Variants in FAM163A observed in about 807,000 individuals in gnomAD.
The protein encoded by FAM163A is protein FAM163A.
A neutral mutation model predicts 12.0 loss-of-function variants in FAM163A; 7 were observed. The observed-to-expected ratio is 0.58, with a 90% CI of 0.33 to 1.10. FAM163A has a LOEUF of 1.10. Among genes scored for constraint, FAM163A ranks in the 50% least tolerant of loss-of-function variants. The probability of loss-of-function intolerance (pLI) is 0.03; values close to 1 mark genes in which losing one functional copy is unlikely to be tolerated. For synonymous variants in FAM163A, 101 were observed against 91.0 expected (o/e 1.11, Z -0.62); for missense variants, 202 against 218.6 (o/e 0.92, Z 0.48).
In FAM163A at chr1:179,803,118, A is replaced by C. The variant is rs140975841; in HGVS notation, c.-135-4680A>C. Among the ~76,000 whole-genome samples, 416 of 152,308 alleles carry C rather than the reference A, an allele frequency of 2.7e-3. 1 individual carries two copies. Among genetic ancestry groups the C allele is most frequent in the Non-Finnish European group, 4.6e-3 (310 of 68,026 alleles). On this transcript the variant is annotated intron_variant, in intron 1 of 4. Coordinates refer to ENST00000341785, the MANE Select transcript of FAM163A (RefSeq NM_173509.3). ...CATTTCCTTCTTCCAGCCTTGCCTG[A>C]GGATTGCCGTCCAGGAAGACAGGTA...
In FAM163A at chr1:179,812,999, G is replaced by C. The variant is rs1305592023; in HGVS notation, c.-22-77G>C. ...GGCCCCCTGCCCCAGCCTCGGGGCA[G>C]TTCCAGGAAGACTCCCCCCGGCCCA... On this transcript the variant is annotated intron_variant, in intron 3 of 4. Coordinates refer to ENST00000341785, the MANE Select transcript of FAM163A (RefSeq NM_173509.3). 7.2e-6 allele frequency: 10 copies of C among 1,398,400 alleles called. No individual in the cohort carries two copies. The Admixed American group carries it at 8.0e-5, about 11-fold the overall frequency. The allele number at this position is 1,398,400 out of a possible 1,614,324, so 86.6% of individuals were successfully genotyped here.
rs1273970601 is a variant in FAM163A, at chr1:179,815,109, G to GCGCGCACACA, written c.*921_*922insGCGCACACAC. On this transcript the variant is annotated 3_prime_UTR_variant, in exon 5 of 5. Coordinates refer to ENST00000341785, the MANE Select transcript of FAM163A (RefSeq NM_173509.3). ...CAGGTGTACGCACGCGCGCGCGCGC[G>GCGCGCACACA]CACAGACACACACACACACACACAC... 73 of 67,308 alleles carry GCGCGCACACA rather than the reference G, an allele frequency of 1.1e-3. 2 individuals carry two copies. Among genetic ancestry groups the GCGCGCACACA allele is most frequent in the African/African-American group, 4.6e-3 (73 of 15,854 alleles). 4.2% of individuals were successfully genotyped at this position (67,308 alleles called of 1,614,324 possible).
At chr1:179,812,738 C>A (rs575736421) in intron 3 of FAM163A, among the ~76,000 whole-genome samples, 1 of 152,308 alleles carries the variant, frequency 6.6e-6, no homozygotes, top group African/African-American at 2.4e-5. Context: ...CAGGGAGGAG[C>A]CCCGCAATCA....
intron 1 of FAM163A, among the ~76,000 whole-genome samples, chr1:179,755,359 C>T (rs1432413779): frequency 6.6e-6 from 1 of 151,880 alleles, no homozygotes; most frequent in East Asian, 1.9e-4. Context: ...CAAGGTGGGG[C>T]CATGGTAGTG....
chr1:179,728,134 T>C, the FAM163A span, among the ~76,000 whole-genome samples: 1 of 152,270 alleles, frequency 6.6e-6, no homozygotes, highest in South Asian at 2.1e-4. Flanking sequence ...GCCTGTCACA[T>C]AGTAAGCACA....
chr1:179,797,924 A>G (rs6692139), intron 1 of FAM163A, among the ~76,000 whole-genome samples: 4,434 of 152,204 alleles, frequency 0.029, 219 homozygotes, highest in African/African-American at 0.1. Flanking sequence ...ATGTGTGTGT[A>G]TAACTATTAA....
the FAM163A span, among the ~76,000 whole-genome samples, chr1:179,734,694 A>AT: frequency 6.6e-6 from 1 of 152,150 alleles, no homozygotes; most frequent in Non-Finnish European, 1.5e-5. Flanking sequence ...TCCAAATACC[A>AT]TCACCTTGGG....
At chr1:179,772,744 G>C (rs1368355451) in intron 1 of FAM163A, among the ~76,000 whole-genome samples, 1 of 151,964 alleles carries the variant, frequency 6.6e-6, no homozygotes, top group Non-Finnish European at 1.5e-5. Flanking sequence ...ACAGTGCAGG[G>C]CTGATCTAAC....
At chr1:179,755,138 A>G (rs112498028) in intron 1 of FAM163A, among the ~76,000 whole-genome samples, 1 of 146,216 alleles carries the variant, frequency 6.8e-6, no homozygotes, top group Non-Finnish European at 1.5e-5. Flanking sequence ...CTCTGCCTCA[A>G]AAAAAAAAAA....
chr1:179,814,158 C>G lies in FAM163A; in HGVS notation c.473C>G (p.Thr158Ser). The stretch of plus-strand genomic sequence containing the variant: ...CCAGGCTCTGGGCGTGAGGCCTTCA[C>G]CAATCCAAGGGCTATTAGTACAGAC... ...TWPGSGREAF[T>S]NPRAISTDV The change falls in exon 5 of 5, where the codon ACC (threonine) becomes AGC (serine). Residue 158 changes from threonine (T) to serine (S), a missense_variant. Physicochemically the swap from Thr to Ser is moderately conservative, Grantham distance 58. Coordinates refer to ENST00000341785, the MANE Select transcript of FAM163A (RefSeq NM_173509.3). 6.2e-7 allele frequency: 1 copy of G among 1,614,158 alleles called. No individual in the cohort carries two copies. The highest frequency in any genetic ancestry group is 8.5e-7 in the Non-Finnish European group (1 of 1,180,018).
intron 1 of FAM163A, among the ~76,000 whole-genome samples, chr1:179,761,180 G>A (rs75726343): frequency 1.1e-3 from 166 of 152,366 alleles, no homozygotes; most frequent in African/African-American, 3.8e-3. Context: ...TGTGCATTTT[G>A]TGTGTATGAG....
At chr1:179,747,085 A>C (rs1353254944) in intron 1 of FAM163A, among the ~76,000 whole-genome samples, 1 of 152,162 alleles carries the variant, frequency 6.6e-6, no homozygotes, top group African/African-American at 2.4e-5. Flanking sequence ...GTGACTGGAC[A>C]TCAGAAAGGG....
chr1:179,750,544 T>C (rs1423263474), intron 1 of FAM163A, among the ~76,000 whole-genome samples: 3 of 152,096 alleles, frequency 2.0e-5, no homozygotes, highest in Non-Finnish European at 4.4e-5. Flanking sequence ...CTAGAAAGAA[T>C]ATGGCATTTT....
At chr1:179,811,129 G>C (rs190844751) in intron 2 of FAM163A, among the ~76,000 whole-genome samples, 1 of 152,104 alleles carries the variant, frequency 6.6e-6, no homozygotes, top group African/African-American at 2.4e-5. Flanking sequence ...GATAAATAGG[G>C]TAAGTGTGCA....
upstream of FAM163A, among the ~76,000 whole-genome samples, chr1:179,741,449 T>C (rs80139748): frequency 0.011 from 1,623 of 152,286 alleles, 25 homozygotes; most frequent in African/African-American, 0.038. Context: ...ATCCTAAAGA[T>C]TGCACTTGCA....
chr1:179,809,210 A>AT (rs1475303598), intron 2 of FAM163A, among the ~76,000 whole-genome samples: 2 of 151,994 alleles, frequency 1.3e-5, no homozygotes, highest in Admixed American at 1.3e-4. Flanking sequence ...CTGGCTTATG[A>AT]TTTTAAGGCC....
At position 179,813,418 on chromosome 1, in the gene FAM163A, G is replaced by A. The variant is rs140951734; in HGVS notation, c.93+228G>A. Among the ~76,000 whole-genome samples the A allele has an allele frequency of 4.1e-3, 618 of 152,304 alleles. 2 individuals are homozygous for A. The highest frequency in any genetic ancestry group is 0.017 in the Middle Eastern group (5 of 294). ...CAGAAAGTGTGCTGGAAAGATACGGGGTCATTGGGTTGTGTCTCCTGCACC... is the reference window on the plus strand; with the variant it reads ...CAGAAAGTGTGCTGGAAAGATACGGAGTCATTGGGTTGTGTCTCCTGCACC... On this transcript the variant is annotated intron_variant, in intron 4 of 4. Coordinates refer to ENST00000341785, the MANE Select transcript of FAM163A (RefSeq NM_173509.3).
intron 1 of FAM163A, among the ~76,000 whole-genome samples, chr1:179,751,740 C>T (rs963744186): frequency 1.3e-5 from 2 of 152,140 alleles, no homozygotes; most frequent in African/African-American, 4.8e-5. Context: ...ATAGCTACAT[C>T]ATACTCAATG....
rs139859330 is a variant in FAM163A at position 179,812,379 on chromosome 1, C to G, written c.-23+248C>G. ...CTTCCAGGGCCCAGAATGCCACACA[C>G]CACTCCCTCTGGGCTCGCCTTGCCT... On this transcript the variant is annotated intron_variant, in intron 3 of 4. Transcript: ENST00000341785. 5.7e-3 allele frequency among the ~76,000 whole-genome samples: 869 copies of G among 152,346 alleles called. 8 individuals carry two copies. The highest frequency in any genetic ancestry group is 0.011 in the South Asian group (53 of 4,828).
Sources: allele counts gnomAD v4.1 joint callset (sites outside exome capture counted in the v4.1 genomes callset), GRCh38; gene constraint gnomAD v4.1.1; transcripts MANE v1.5; gene names NCBI Gene and HGNC (gene_info 2026-07-23, HGNC 2026-07-21).